HP1BP3: variants seen among roughly 807,000 people sequenced by gnomAD.
The protein encoded by HP1BP3 is heterochromatin protein 1 binding protein 3, also known as heterochromatin protein 1-binding protein 3.
In HP1BP3, 12 loss-of-function variants were observed where a neutral mutation model predicts 62.5. The observed-to-expected ratio is 0.19, with a 90% CI of 0.12 to 0.31. HP1BP3 has a LOEUF of 0.31. Among genes scored for constraint, HP1BP3 ranks in the 10% least tolerant of loss-of-function variants. The probability of loss-of-function intolerance (pLI) is 1.00; values close to 1 mark genes in which losing one functional copy is unlikely to be tolerated. For missense variants in HP1BP3, 502 were observed against 651.8 expected, an observed-to-expected ratio of 0.77 and a Z score of 2.50; for synonymous variants, 260 against 237.8, an observed-to-expected ratio of 1.09 and a Z score of -0.86.
chr1:20,771,724 A>C (rs769008072), intron 5 of HP1BP3, among the ~76,000 whole-genome samples: 5 of 152,122 alleles, frequency 3.3e-5, no homozygotes, highest in Non-Finnish European at 7.4e-5. Flanking sequence ...CAAATACTTA[A>C]TTTTTTTCAA....
chr1:20,752,940 G>A (rs1328524427), intron 9 of HP1BP3, among the ~76,000 whole-genome samples: 1 of 140,272 alleles, frequency 7.1e-6, no homozygotes, highest in Non-Finnish European at 1.6e-5. Context: ...CATTTTTCTT[G>A]GAACACGTTT....
intron 4 of HP1BP3, chr1:20,776,009 CAAAA>C (rs67814500): frequency 9.6e-4 from 1,166 of 1,215,580 alleles, no homozygotes; most frequent in South Asian, 2.9e-3. Flanking sequence ...AGCTCTCCTG[CAAAA>C]AAAAAAAAAA....
intron 5 of HP1BP3, among the ~76,000 whole-genome samples, chr1:20,772,152 T>C (rs895513066): frequency 6.6e-6 from 1 of 152,108 alleles, no homozygotes; most frequent in Non-Finnish European, 1.5e-5. Flanking sequence ...GCTCCACCAA[T>C]CCGACAGTGA....
chr1:20,747,570 G>A lies in HP1BP3; in HGVS notation c.1227C>T (p.Phe409=). The change falls in exon 11 of 13, where the codon TTC becomes TTT. Residue 409 remains phenylalanine (F), a synonymous_variant. Coordinates refer to ENST00000438032, the MANE Select transcript of HP1BP3 (RefSeq NM_001372052.1). ...QISGKGFSGT[F]QLCFPYYPSP... ...TGGGATAATAGGGAAAACAGAGCTG[G>A]AAGGTGCCACTGAACCCTTTCCCAG... 6.2e-7 allele frequency: 1 copy of A among 1,611,972 alleles called. No homozygotes were observed. Among genetic ancestry groups the A allele is most frequent in the Non-Finnish European group, 8.5e-7 (1 of 1,178,368 alleles).
intron 8 of HP1BP3, among the ~76,000 whole-genome samples, chr1:20,758,894 C>A (rs2056293459): frequency 6.6e-6 from 1 of 151,832 alleles, no homozygotes; most frequent in Non-Finnish European, 1.5e-5. Flanking sequence ...TTCAAGCGAT[C>A]CTCCCGCTTC....
rs200530725 is a variant in HP1BP3 at position 20,757,358 on chromosome 1, CTAT to C, written c.891-105_891-103del. On this transcript the variant is annotated intron_variant, in intron 8 of 12. Coordinates refer to ENST00000438032, the MANE Select transcript of HP1BP3 (RefSeq NM_001372052.1). ...ATTCCCAGATCTAGAGTTCTGATTA[CTAT>C]TATTATTATTATTTTTTTTTTTTTT... is the stretch of plus-strand genomic sequence containing the variant. The C allele has an allele frequency of 1.5e-4, 67 of 435,590 alleles. No homozygotes were observed. The Middle Eastern group carries it at 1.9e-3, about 13-fold the overall frequency. The allele number at this position is 435,590 out of a possible 1,614,324, so 27.0% of individuals were successfully genotyped here. A position where few individuals can be genotyped will look rare whatever the true frequency, so the allele number is the denominator to read the frequency against.
At chr1:20,786,779 G>C (rs1469829640) in intron 1 of HP1BP3, 1 of 152,288 alleles carries the variant, frequency 6.6e-6, no homozygotes, top group Non-Finnish European at 1.5e-5. Flanking sequence ...TGAGGGGAGG[G>C]CGCGGGCGGA....
chr1:20,746,183 T>TAC (rs767595174), intron 11 of HP1BP3, among the ~76,000 whole-genome samples: 3 of 67,566 alleles, frequency 4.4e-5, no homozygotes, highest in African/African-American at 1.2e-4. Flanking sequence ...CATACATACA[T>TAC]ATATGTGTGT....
intron 6 of HP1BP3, 105 bp from the exon 7 acceptor site, chr1:20,767,769 T>G (rs1240773961): frequency 4.4e-6 from 3 of 682,594 alleles, no homozygotes; most frequent in Non-Finnish European, 4.9e-6. Context: ...TGGTGTTTAC[T>G]TCTTCAGAGA....
At chr1:20,768,203 T>C (rs2056878835) in intron 6 of HP1BP3, among the ~76,000 whole-genome samples, 2 of 152,180 alleles carry the variant, frequency 1.3e-5, no homozygotes, top group African/African-American at 4.8e-5. Flanking sequence ...TCCCAGCACT[T>C]TGGGAGGCCG....
chr1:20,743,185 AAAG>A lies in HP1BP3; in HGVS notation c.*1609_*1611del, dbSNP rs1444406157. The A allele has an allele frequency of 1.3e-5, 2 of 152,572 alleles. No homozygotes were observed. Among genetic ancestry groups the A allele is most frequent in the South Asian group, 2.1e-4 (1 of 4,818 alleles). 9.5% of individuals were successfully genotyped at this position (152,572 alleles called of 1,614,324 possible). On this transcript the variant is annotated 3_prime_UTR_variant, in exon 13 of 13. Coordinates refer to ENST00000438032, the MANE Select transcript of HP1BP3 (RefSeq NM_001372052.1). ...TTGATATCAAAAGTGCTGTGGAAAG[AAAG>A]GAGGGGAAAAAAACCCACAAATAAA...
chr1:20,745,316 T>C (rs2055244589), intron 12 of HP1BP3, among the ~76,000 whole-genome samples: 1 of 152,216 alleles, frequency 6.6e-6, no homozygotes, highest in Non-Finnish European at 1.5e-5. Flanking sequence ...GGGAAATATG[T>C]AATTATTTTT....
Position 20,779,876 on chromosome 1 carries a change from A to G in HP1BP3, c.132T>C (p.Thr44=). ...VEDSTMPIRR[T]VNSTRETPPK... is the part of the protein sequence containing the mutation. ...GAGGAGTTTCCCGGGTAGAATTCAC[A>G]GTTCGACGAATCGGCATGGTGCTAT... Residue 44 remains threonine (T), a synonymous_variant, in exon 3 of 13, where the codon ACT becomes ACC. Coordinates refer to ENST00000438032, the MANE Select transcript of HP1BP3 (RefSeq NM_001372052.1). 1 of 1,613,626 alleles carries G rather than the reference A, an allele frequency of 6.2e-7. No individual in the cohort carries two copies. Among genetic ancestry groups the G allele is most frequent in the South Asian group, 1.1e-5 (1 of 90,962 alleles).
chr1:20,780,536 T>C lies in HP1BP3; in HGVS notation c.-96A>G. The C allele has an allele frequency of 1.2e-6, 1 of 868,550 alleles. No individual in the cohort carries two copies. Among genetic ancestry groups the C allele is most frequent in the Non-Finnish European group, 1.9e-6 (1 of 516,870 alleles). 53.8% of individuals were successfully genotyped at this position (868,550 alleles called of 1,614,324 possible). A position where few individuals can be genotyped will look rare whatever the true frequency, so the allele number is the denominator to read the frequency against. On this transcript the variant is annotated 5_prime_UTR_variant, in exon 2 of 13. Transcript: ENST00000438032. ...CTAATGGTTTCAGTGTGGTGAAGAATCAACCTAAAGCACAGAAAAGACCTG... is the reference window on the plus strand; with the variant it reads ...CTAATGGTTTCAGTGTGGTGAAGAACCAACCTAAAGCACAGAAAAGACCTG...
intron 8 of HP1BP3, among the ~76,000 whole-genome samples, chr1:20,759,880 A>ATTTTTTTTTTTTTTT (rs71014104): frequency 1.8e-5 from 2 of 113,016 alleles, no homozygotes; most frequent in African/African-American, 6.8e-5. Context: ...TTAAAGACCG[A>ATTTTTTTTTTTTTTT]TTTTTTTTTT....
At chr1:20,780,741 C>T (rs769934557) in intron 1 of HP1BP3, among the ~76,000 whole-genome samples, 2 of 152,156 alleles carry the variant, frequency 1.3e-5, no homozygotes, top group South Asian at 2.1e-4. Context: ...GCATAAGCCA[C>T]GGCAGCTGTT....
intron 11 of HP1BP3, among the ~76,000 whole-genome samples, chr1:20,747,148 T>C (rs2055390789): frequency 6.6e-6 from 1 of 152,212 alleles, no homozygotes; most frequent in Admixed American, 6.5e-5. Context: ...AAATCACTAT[T>C]TTTATACAAA....
At position 20,743,205 on chromosome 1, in the gene HP1BP3, A is replaced by C. The variant is rs1161553639; in HGVS notation, c.*1592T>G. On this transcript the variant is annotated 3_prime_UTR_variant, in exon 13 of 13. Coordinates refer to ENST00000438032, the MANE Select transcript of HP1BP3 (RefSeq NM_001372052.1). ...GAAAGAAAGGAGGGGAAAAAAACCC[A>C]CAAATAAATGTAGAATCTAGTTTAT... 6.6e-6 allele frequency: 1 copy of C among 152,558 alleles called. No individual in the cohort carries two copies. The highest frequency in any genetic ancestry group is 2.4e-5 in the African/African-American group (1 of 41,420). The allele number at this position is 152,558 out of a possible 1,614,324, so 9.5% of individuals were successfully genotyped here. A position where few individuals can be genotyped will look rare whatever the true frequency, so the allele number is the denominator to read the frequency against.
At chr1:20,760,682 C>T (rs2056414414) in intron 8 of HP1BP3, among the ~76,000 whole-genome samples, 1 of 151,970 alleles carries the variant, frequency 6.6e-6, no homozygotes, top group Non-Finnish European at 1.5e-5. Flanking sequence ...ACTAAAAATA[C>T]AAAAATTACC....
Sources: gnomAD v4.1 joint callset for allele counts (sites outside exome capture counted in the v4.1 genomes callset) on GRCh38, gnomAD v4.1.1 for gene constraint, MANE v1.5 for transcripts, NCBI Gene and HGNC (gene_info 2026-07-23, HGNC 2026-07-21) for gene names.